Variants in RYR3 observed in about 807,000 individuals in gnomAD.
RYR3 encodes the protein ryanodine receptor 3.
Under a neutral mutation model 584.3 loss-of-function variants are expected in RYR3, and 207 were observed. The observed-to-expected ratio is 0.35, with a 90% CI of 0.32 to 0.40. The LOEUF (loss-of-function observed/expected upper bound fraction) is 0.40. RYR3 is among the 10% of genes least tolerant of loss of function. The probability of loss-of-function intolerance (pLI) is 1.00; values close to 1 mark genes in which losing one functional copy is unlikely to be tolerated. For synonymous variants in RYR3, 2,416 were observed against 2,248.5 expected (o/e 1.07, Z -2.11); for missense variants, 5,616 against 6,089.2 (o/e 0.92, Z 2.59).
intron 3 of RYR3, among the ~76,000 whole-genome samples, chr15:33,521,984 TG>T (rs2054018523): frequency 6.6e-6 from 1 of 151,398 alleles, no homozygotes; most frequent in Non-Finnish European, 1.5e-5. Context: ...CCAGATGCGG[TG>T]GCTCATGCCT....
chr15:33,326,558 TG>T (rs888704778), intron 1 of RYR3, among the ~76,000 whole-genome samples: 1 of 152,150 alleles, frequency 6.6e-6, no homozygotes, highest in African/African-American at 2.4e-5. Flanking sequence ...ACATTTGAAC[TG>T]GGGGTTTCTA....
chr15:33,851,244 G>C (rs1484623450), intron 94 of RYR3: 1 of 152,162 alleles, frequency 6.6e-6, no homozygotes. Context: ...GATTTCTCTA[G>C]AGTATAGACC....
At chr15:33,570,623 A>T (rs1567561767) in intron 12 of RYR3, among the ~76,000 whole-genome samples, 1 of 152,282 alleles carries the variant, frequency 6.6e-6, no homozygotes, top group Non-Finnish European at 1.5e-5. Context: ...TCCAAAAAAA[A>T]TTCTGCTGGA....
At chr15:33,861,818 TTTGTTTTTG>T (rs1237521100) in intron 102 of RYR3, among the ~76,000 whole-genome samples, 2 of 152,016 alleles carry the variant, frequency 1.3e-5, no homozygotes, top group African/African-American at 4.8e-5. Context: ...ACTGCCTTTT[TTTGTTTTTG>T]TTGGCCAGGC....
chr15:33,690,221 G>A (rs1189071159), intron 38 of RYR3, among the ~76,000 whole-genome samples: 1 of 152,204 alleles, frequency 6.6e-6, no homozygotes, highest in Non-Finnish European at 1.5e-5. Context: ...TGCAGAGCGG[G>A]CTGAAGAAAG....
At chr15:33,701,172 C>T (rs1011673381) in intron 42 of RYR3, 92 bp downstream of exon 42, 12 of 751,222 alleles carry the variant, frequency 1.6e-5, no homozygotes, top group Non-Finnish European at 2.3e-5. Flanking sequence ...GAGTCTCTGT[C>T]ACTGTATCGT....
chr15:33,587,771 G>A (rs765998942), intron 16 of RYR3, among the ~76,000 whole-genome samples: 1 of 152,094 alleles, frequency 6.6e-6, no homozygotes, highest in Non-Finnish European at 1.5e-5. Flanking sequence ...CCTTCCTTAG[G>A]TACTATTCCA....
At chr15:33,421,838 T>C in intron 1 of RYR3, among the ~76,000 whole-genome samples, 1 of 152,170 alleles carries the variant, frequency 6.6e-6, no homozygotes, top group East Asian at 1.9e-4. Flanking sequence ...TTGTCAGATG[T>C]AGAAGCAGAA....
Position 33,511,872 on chromosome 15 carries a change from G to A in RYR3, c.279+8134G>A, listed in dbSNP as rs1338492616. On this transcript the variant is annotated intron_variant, in intron 3 of 103. Transcript: ENST00000634891. ...CGGCTCACTGCAAGCTCCACCTCCCGGGTTCACGCCATTCTCCTGCCTCAG... is the reference window on the plus strand; with the variant it reads ...CGGCTCACTGCAAGCTCCACCTCCCAGGTTCACGCCATTCTCCTGCCTCAG... Among the ~76,000 whole-genome samples the A allele has an allele frequency of 2.6e-5, 4 of 152,240 alleles. No individual in the cohort carries two copies. The East Asian group carries it at 7.7e-4, about 29-fold the overall frequency.
chr15:33,642,138 C>A (rs1473571905), intron 27 of RYR3, among the ~76,000 whole-genome samples: 3 of 152,170 alleles, frequency 2.0e-5, no homozygotes, highest in African/African-American at 4.8e-5. Flanking sequence ...AAAAAGAAGT[C>A]TTATGCAGTT....
chr15:33,416,754 C>T (rs1242613747), intron 1 of RYR3, among the ~76,000 whole-genome samples: 2 of 152,044 alleles, frequency 1.3e-5, no homozygotes, highest in Non-Finnish European at 2.9e-5. Context: ...TTAGTCATAA[C>T]TTTTTTGCCT....
chr15:33,633,185 G>A (rs1022506849), intron 24 of RYR3, 77 bp downstream of exon 24: 27 of 1,483,142 alleles, frequency 1.8e-5, no homozygotes, highest in Non-Finnish European at 2.3e-5. Context: ...TTTGGTGTGT[G>A]TTAGATCAGA....
At chr15:33,389,792 T>C (rs1567147001) in intron 1 of RYR3, among the ~76,000 whole-genome samples, 1 of 152,176 alleles carries the variant, frequency 6.6e-6, no homozygotes, top group Non-Finnish European at 1.5e-5. Context: ...CAAACTTTTA[T>C]TTAATATCTT....
intron 16 of RYR3, among the ~76,000 whole-genome samples, chr15:33,598,602 T>C (rs535244156): frequency 6.6e-6 from 1 of 151,004 alleles, no homozygotes; most frequent in South Asian, 2.1e-4. Flanking sequence ...TCTTAGGCTA[T>C]AGACTGCTGT....
At chr15:33,607,000 T>A (rs1450774243) in intron 18 of RYR3, among the ~76,000 whole-genome samples, 1 of 152,174 alleles carries the variant, frequency 6.6e-6, no homozygotes, top group Non-Finnish European at 1.5e-5. Context: ...TTCACCTGTC[T>A]CCCAACTAAG....
At chr15:33,578,315 C>G (rs988906161) in intron 12 of RYR3, among the ~76,000 whole-genome samples, 1 of 152,044 alleles carries the variant, frequency 6.6e-6, no homozygotes, top group Non-Finnish European at 1.5e-5. Context: ...CACATATGTT[C>G]GCTGAAGCTC....
In RYR3 at chr15:33,562,973, A is replaced by G. The variant is rs932171299; in HGVS notation, c.1109A>G (p.Asp370Gly). Residue 370 changes from aspartate (D) to glycine (G), a missense_variant, in exon 11 of 104, where the codon GAC (aspartate) becomes GGC (glycine). Physicochemically the swap from Asp to Gly is moderately conservative, Grantham distance 94. Transcript: ENST00000634891. ...CTGTGGGTGACCTACAAAGCACAAGACGCCAAAACTTCCCGCCTGGGACCT... is the reference window on the plus strand; with the variant it reads ...CTGTGGGTGACCTACAAAGCACAAGGCGCCAAAACTTCCCGCCTGGGACCT... ...SGLWVTYKAQ[D>G]AKTSRLGPLK... 3.7e-6 allele frequency: 6 copies of G among 1,612,148 alleles called. No homozygotes were observed. In the African/African-American group the frequency reaches 4.0e-5, roughly 11 times the overall value.
intron 75 of RYR3, among the ~76,000 whole-genome samples, chr15:33,817,340 C>A (rs556629543): frequency 6.6e-6 from 1 of 152,266 alleles, no homozygotes; most frequent in Non-Finnish European, 1.5e-5. Flanking sequence ...ATCTAGATAC[C>A]CTTCCTGCAT....
Position 33,601,720 on chromosome 15 carries a change from C to G in RYR3, c.1922+168C>G, listed in dbSNP as rs149060245. ...AAATGTGCATTTCCTATGACTAGGGCCTCCAACACCTTTAGCAGAATTCCT... is the reference window on the plus strand; with the variant it reads ...AAATGTGCATTTCCTATGACTAGGGGCTCCAACACCTTTAGCAGAATTCCT... On this transcript the variant is annotated intron_variant, in intron 17 of 103. Coordinates refer to ENST00000634891, the MANE Select transcript of RYR3 (RefSeq NM_001036.6). 2.8e-4 allele frequency among the ~76,000 whole-genome samples: 42 copies of G among 152,290 alleles called. No individual in the cohort carries two copies. In the East Asian group the frequency reaches 7.9e-3, roughly 29 times the overall value.
Sources: gnomAD v4.1 joint callset for allele counts (sites outside exome capture counted in the v4.1 genomes callset) on GRCh38, gnomAD v4.1.1 for gene constraint, MANE v1.5 for transcripts, NCBI Gene and HGNC (gene_info 2026-07-23, HGNC 2026-07-21) for gene names.